The following GRID2 variants were observed in gnomAD, a reference collection of about 807,000 sequenced individuals.
The protein encoded by GRID2 is glutamate receptor ionotropic, delta-2.
In GRID2, 33 loss-of-function variants were observed where a neutral mutation model predicts 114.8. The observed-to-expected ratio is 0.29, with a 90% CI of 0.22 to 0.38. GRID2 has a LOEUF of 0.38. GRID2 is among the 10% of genes least tolerant of loss of function. GRID2 has a pLI of 1.00. For missense variants in GRID2, 1,184 were observed against 1,257.7 expected, an observed-to-expected ratio of 0.94 and a Z score of 0.89; for synonymous variants, 505 against 449.9, an observed-to-expected ratio of 1.12 and a Z score of -1.55.
chr4:93,714,579 C>T (rs1728750214), intron 14 of GRID2, among the ~76,000 whole-genome samples: 1 of 152,162 alleles, frequency 6.6e-6, no homozygotes, highest in South Asian at 2.1e-4. Flanking sequence ...GCTCCACAAC[C>T]TCACCAGCAT....
At chr4:93,074,282 C>T (rs1459988589) in intron 2 of GRID2, among the ~76,000 whole-genome samples, 1 of 152,188 alleles carries the variant, frequency 6.6e-6, no homozygotes, top group Admixed American at 6.5e-5. Flanking sequence ...CCTCAGTCTG[C>T]AGTCTCTTAC....
At chr4:93,519,166 T>C (rs1418696501) in intron 13 of GRID2, among the ~76,000 whole-genome samples, 1 of 152,130 alleles carries the variant, frequency 6.6e-6, no homozygotes, top group Non-Finnish European at 1.5e-5. Flanking sequence ...ACATCCTAAG[T>C]TGGCTTTTTC....
intron 4 of GRID2, among the ~76,000 whole-genome samples, chr4:93,117,914 A>C (rs2149359220): frequency 6.6e-6 from 1 of 152,298 alleles, no homozygotes; most frequent in South Asian, 2.1e-4. Flanking sequence ...AAAGAACCAA[A>C]CCATTCCCCT....
chr4:92,678,400 T>C (rs1405648798), intron 2 of GRID2, among the ~76,000 whole-genome samples: 1 of 152,128 alleles, frequency 6.6e-6, no homozygotes, highest in African/African-American at 2.4e-5. Flanking sequence ...AAATGAATAA[T>C]AACATACCTT....
chr4:92,752,389 A>T (rs1484694182), intron 2 of GRID2, among the ~76,000 whole-genome samples: 1 of 152,194 alleles, frequency 6.6e-6, no homozygotes, highest in Non-Finnish European at 1.5e-5. Flanking sequence ...AAGAGCCCAC[A>T]TTTCTTAGTC....
intron 8 of GRID2, among the ~76,000 whole-genome samples, chr4:93,390,997 C>T (rs1444901384): frequency 3.3e-5 from 5 of 151,754 alleles, no homozygotes; most frequent in Non-Finnish European, 5.9e-5. Flanking sequence ...GATTTTTTTT[C>T]TGACTTTTCA....
intron 1 of GRID2, among the ~76,000 whole-genome samples, chr4:92,359,679 C>A (rs1728520824): frequency 6.6e-6 from 1 of 151,946 alleles, no homozygotes; most frequent in Non-Finnish European, 1.5e-5. Context: ...TACTGAGAGG[C>A]AGGTTAGACG....
At chr4:93,681,087 G>A (rs1428741834) in intron 14 of GRID2, among the ~76,000 whole-genome samples, 1 of 151,324 alleles carries the variant, frequency 6.6e-6, no homozygotes, top group Admixed American at 6.6e-5. Context: ...CAAAGTCTCA[G>A]GATACAAAAT....
chr4:92,736,355 C>G (rs1685611353), intron 2 of GRID2, among the ~76,000 whole-genome samples: 2 of 152,040 alleles, frequency 1.3e-5, no homozygotes, highest in African/African-American at 4.8e-5. Flanking sequence ...TGATTTTAGC[C>G]ACATGAAATG....
chr4:93,286,954 G>A (rs1470742731), intron 8 of GRID2, among the ~76,000 whole-genome samples: 2 of 152,144 alleles, frequency 1.3e-5, no homozygotes, highest in African/African-American at 4.8e-5. Context: ...CTTCATTCTA[G>A]CTGAAGTGTT....
At chr4:92,400,182 A>T (rs200514986) in intron 1 of GRID2, among the ~76,000 whole-genome samples, 2 of 152,142 alleles carry the variant, frequency 1.3e-5, no homozygotes, top group East Asian at 3.9e-4. Flanking sequence ...AAATTGTGCA[A>T]CTACCACAGC....
chr4:92,504,904 A>T (rs1723877167), intron 1 of GRID2, among the ~76,000 whole-genome samples: 1 of 152,064 alleles, frequency 6.6e-6, no homozygotes, highest in Non-Finnish European at 1.5e-5. Context: ...TTTCCAATAT[A>T]AATATTTATA....
intron 1 of GRID2, among the ~76,000 whole-genome samples, chr4:92,465,976 T>TA (rs1491092083): frequency 6.6e-6 from 1 of 151,834 alleles, no homozygotes; most frequent in Non-Finnish European, 1.5e-5. Flanking sequence ...GCCCCCTTTT[T>TA]ATATTTAATA....
intron 14 of GRID2, among the ~76,000 whole-genome samples, chr4:93,718,248 G>T (rs148155871): frequency 6.6e-6 from 1 of 152,268 alleles, no homozygotes; most frequent in African/African-American, 2.4e-5. Context: ...GAATCATAAA[G>T]ATTTGGATAC....
intron 8 of GRID2, among the ~76,000 whole-genome samples, chr4:93,292,280 C>T (rs972589661): frequency 6.6e-6 from 1 of 152,164 alleles, no homozygotes; most frequent in Non-Finnish European, 1.5e-5. Context: ...CCATAGTCCT[C>T]AGCCCTGTGT....
At chr4:92,514,678 T>C (rs1724420172) in intron 1 of GRID2, among the ~76,000 whole-genome samples, 1 of 151,928 alleles carries the variant, frequency 6.6e-6, no homozygotes, top group Non-Finnish European at 1.5e-5. Context: ...GGTATCCATA[T>C]AGACTATGTG....
chr4:93,691,169 A>G (rs1450347574), intron 14 of GRID2, among the ~76,000 whole-genome samples: 1 of 151,862 alleles, frequency 6.6e-6, no homozygotes, highest in Non-Finnish European at 1.5e-5. Context: ...ATCTATTTCC[A>G]TAGTTAATTT....
chr4:93,156,206 G>T (rs1424905710), intron 4 of GRID2, among the ~76,000 whole-genome samples: 1 of 151,606 alleles, frequency 6.6e-6, no homozygotes, highest in Non-Finnish European at 1.5e-5. Context: ...AGTTTATAGA[G>T]TAAATAAATA....
chr4:93,679,730 G>A (rs56216611), intron 14 of GRID2, among the ~76,000 whole-genome samples: 20,192 of 150,590 alleles, frequency 0.13, 2,223 homozygotes, highest in African/African-American at 0.24. Context: ...GGAAACCAAC[G>A]AGAACAAAGA....
Sources: allele counts gnomAD v4.1 joint callset (sites outside exome capture counted in the v4.1 genomes callset), GRCh38; gene constraint gnomAD v4.1.1; transcripts MANE v1.5; gene names NCBI Gene and HGNC (gene_info 2026-07-23, HGNC 2026-07-21).